TBC1D5: variants seen among roughly 807,000 people sequenced by gnomAD.
TBC1D5 encodes TBC1 domain family member 5.
In TBC1D5, 75 loss-of-function variants were observed where a neutral mutation model predicts 100.3. The ratio of observed to expected loss-of-function variants is 0.75; its 90% CI spans 0.62 to 0.91. The LOEUF is 0.91. Among genes scored for constraint, TBC1D5 ranks in the 40% least tolerant of loss-of-function variants. TBC1D5 has a pLI of 0.00. For synonymous variants in TBC1D5, 323 were observed against 325.6 expected, an observed-to-expected ratio of 0.99 and a Z score of 0.09; for missense variants, 910 against 942.4, an observed-to-expected ratio of 0.97 and a Z score of 0.45.
At chr3:17,569,070 C>G (rs1015243819) in intron 2 of TBC1D5, among the ~76,000 whole-genome samples, 1 of 151,692 alleles carries the variant, frequency 6.6e-6, no homozygotes, top group Non-Finnish European at 1.5e-5. Flanking sequence ...TGGCAAATAC[C>G]CACAAAAAGA....
intron 14 of TBC1D5, among the ~76,000 whole-genome samples, chr3:17,300,003 A>C (rs1273874467): frequency 6.6e-6 from 1 of 152,110 alleles, no homozygotes; most frequent in East Asian, 1.9e-4. Context: ...CTTTCTTAAA[A>C]TCCAATTCAA....
At chr3:17,232,769 C>G (rs901110590) in intron 17 of TBC1D5, among the ~76,000 whole-genome samples, 1 of 151,788 alleles carries the variant, frequency 6.6e-6, no homozygotes. Flanking sequence ...TCTGTTCCAC[C>G]CCCCCTAAAA....
intron 1 of TBC1D5, among the ~76,000 whole-genome samples, chr3:17,656,835 AT>A (rs1239107726): frequency 2.0e-5 from 3 of 152,080 alleles, no homozygotes; most frequent in Non-Finnish European, 4.4e-5. Flanking sequence ...ATGAATATAT[AT>A]ATATATAAAA....
chr3:17,476,452 G>T (rs1298243473), intron 3 of TBC1D5, among the ~76,000 whole-genome samples: 1 of 151,864 alleles, frequency 6.6e-6, no homozygotes, highest in Non-Finnish European at 1.5e-5. Flanking sequence ...TGGTTTTCAT[G>T]TAAGTTTGAG....
intron 13 of TBC1D5, chr3:17,333,356 A>T (rs2087160724): frequency 6.6e-6 from 1 of 152,410 alleles, no homozygotes. Context: ...GAAACAGCTG[A>T]TTCCTCAGCA....
chr3:17,428,604 T>C, intron 3 of TBC1D5, 85 bp from the exon 4 acceptor site: 2 of 587,500 alleles, frequency 3.4e-6, no homozygotes, highest in Non-Finnish European at 5.2e-6. Flanking sequence ...CTACGCAATA[T>C]ATTAGCCAAA....
intron 2 of TBC1D5, among the ~76,000 whole-genome samples, chr3:17,551,610 T>G (rs1217582442): frequency 2.0e-5 from 3 of 152,146 alleles, no homozygotes; most frequent in African/African-American, 7.2e-5. Context: ...TTAAAGATGC[T>G]CTTAGTGTAA....
intron 3 of TBC1D5, among the ~76,000 whole-genome samples, chr3:17,455,512 G>GTGTA (rs750862381): frequency 3.0e-4 from 39 of 128,886 alleles, no homozygotes; most frequent in African/African-American, 1.2e-3. Context: ...ATGTGTGTGT[G>GTGTA]TATATATATA....
chr3:17,455,424 ATG>A (rs1452217810), intron 3 of TBC1D5, among the ~76,000 whole-genome samples: 38 of 145,478 alleles, frequency 2.6e-4, no homozygotes, highest in African/African-American at 8.8e-4. Flanking sequence ...ATATGTATAT[ATG>A]TGTGTATGTG....
At chr3:17,221,493 A>AGG (rs1414930698) in intron 17 of TBC1D5, among the ~76,000 whole-genome samples, 2 of 151,966 alleles carry the variant, frequency 1.3e-5, no homozygotes, top group Admixed American at 6.6e-5. Context: ...TGAGTTCTTA[A>AGG]AGTAGAAGAG....
At chr3:17,699,553 TAG>T in intron 1 of TBC1D5, among the ~76,000 whole-genome samples, 1 of 141,564 alleles carries the variant, frequency 7.1e-6, no homozygotes, top group South Asian at 2.4e-4. Context: ...TAATAATAAA[TAG>T]ATTTTTAAAA....
At chr3:17,243,043 A>C (rs1306003439) in intron 16 of TBC1D5, among the ~76,000 whole-genome samples, 1 of 152,170 alleles carries the variant, frequency 6.6e-6, no homozygotes, top group African/African-American at 2.4e-5. Flanking sequence ...TACCCCAAGC[A>C]TACTGTTCAA....
intron 2 of TBC1D5, among the ~76,000 whole-genome samples, chr3:17,607,367 G>A (rs963570670): frequency 3.3e-5 from 5 of 152,096 alleles, no homozygotes; most frequent in African/African-American, 1.2e-4. Context: ...GTAGCTTGCA[G>A]TCTCCCTCCA....
chr3:17,479,139 A>T (rs1331196027), intron 3 of TBC1D5, among the ~76,000 whole-genome samples: 1 of 152,220 alleles, frequency 6.6e-6, no homozygotes, highest in Non-Finnish European at 1.5e-5. Context: ...GGCGGCTCAC[A>T]TCCATAATCC....
intron 4 of TBC1D5, among the ~76,000 whole-genome samples, chr3:17,422,346 G>GTTTTTTTTTT (rs200102244): frequency 6.8e-6 from 1 of 147,124 alleles, no homozygotes; most frequent in African/African-American, 2.6e-5. Context: ...TTTGTTTTTT[G>GTTTTTTTTTT]TTTTTTTGTT....
chr3:17,687,998 T>A (rs958441455), intron 1 of TBC1D5, among the ~76,000 whole-genome samples: 1 of 152,332 alleles, frequency 6.6e-6, no homozygotes, highest in East Asian at 1.9e-4. Context: ...AGATTTTCAT[T>A]AGAGAAGTTC....
chr3:17,253,027 A>G (rs957772535), intron 16 of TBC1D5, among the ~76,000 whole-genome samples: 2 of 152,236 alleles, frequency 1.3e-5, no homozygotes, highest in Middle Eastern at 6.3e-3. Flanking sequence ...CACTGTGTAT[A>G]GTATTCAATA....
intron 2 of TBC1D5, among the ~76,000 whole-genome samples, chr3:17,595,014 G>C (rs886414835): frequency 1.9e-4 from 29 of 152,272 alleles, no homozygotes; most frequent in African/African-American, 6.3e-4. Flanking sequence ...TCAGCTGCCA[G>C]CACAGCTAGA....
chr3:17,476,923 CA>C lies in TBC1D5; in HGVS notation c.97+31550del, dbSNP rs533455477. Among the ~76,000 whole-genome samples the C allele has an allele frequency of 2.2e-3, 341 of 151,954 alleles. 1 individual carries two copies. The highest frequency in any genetic ancestry group is 3.4e-3 in the Middle Eastern group (1 of 294). On this transcript the variant is annotated intron_variant, in intron 3 of 21. Coordinates refer to ENST00000253692, the Ensembl canonical transcript of TBC1D5. ...GACTGATTTTGCACACGTTATATAACAAGGAATATAGGTAAACTAAATTATT... is the reference window on the plus strand; with the variant it reads ...GACTGATTTTGCACACGTTATATAACAGGAATATAGGTAAACTAAATTATT...
Sources: gnomAD v4.1 joint callset for allele counts (sites outside exome capture counted in the v4.1 genomes callset) on GRCh38, gnomAD v4.1.1 for gene constraint, MANE v1.5 for transcripts, NCBI Gene and HGNC (gene_info 2026-07-23, HGNC 2026-07-21) for gene names.